The following CHCHD3 variants were observed in gnomAD, a reference collection of about 807,000 sequenced individuals.
CHCHD3 encodes the protein coiled-coil-helix-coiled-coil-helix domain containing 3.
In CHCHD3, 20 loss-of-function variants were observed where a neutral mutation model predicts 38.2. The observed-to-expected ratio is 0.52, with a 90% CI of 0.37 to 0.76. The LOEUF (loss-of-function observed/expected upper bound fraction) is 0.76, where lower values mean the gene tolerates loss of function less well. CHCHD3 is among the 30% of genes least tolerant of loss of function. The pLI, the probability that CHCHD3 is intolerant of heterozygous loss-of-function variation, is 0.00. For missense variants in CHCHD3, 245 were observed against 279.2 expected (o/e 0.88, Z 0.87); for synonymous variants, 82 against 100.0 (o/e 0.82, Z 1.07).
intron 5 of CHCHD3, among the ~76,000 whole-genome samples, chr7:132,850,882 C>A (rs17458491): frequency 0.52 from 79,439 of 151,952 alleles, 20,867 homozygotes; most frequent in South Asian, 0.58. Context: ...GTCTCTAAAG[C>A]CCTATATTTC....
intron 2 of CHCHD3, among the ~76,000 whole-genome samples, chr7:133,067,230 A>C (rs1230291721): frequency 3.9e-5 from 6 of 152,220 alleles, no homozygotes; most frequent in Admixed American, 3.9e-4. Context: ...AGTATATTGA[A>C]TCATCATGAT....
chr7:133,050,792 A>G (rs1298354804), intron 2 of CHCHD3, among the ~76,000 whole-genome samples: 1 of 152,074 alleles, frequency 6.6e-6, no homozygotes, highest in Non-Finnish European at 1.5e-5. Context: ...AGGGAGATAG[A>G]CCACTTGAGG....
chr7:132,959,722 C>CAAAAAAAAAAAA (rs376282108), intron 4 of CHCHD3, among the ~76,000 whole-genome samples: 6 of 43,766 alleles, frequency 1.4e-4, no homozygotes, highest in South Asian at 6.4e-4. Context: ...AACTCCGTCT[C>CAAAAAAAAAAAA]AAAAAAAAAA....
intron 2 of CHCHD3, among the ~76,000 whole-genome samples, chr7:133,043,496 G>T (rs1028340101): frequency 6.6e-6 from 1 of 152,040 alleles, no homozygotes; most frequent in Admixed American, 6.6e-5. Context: ...ATAAAAATTA[G>T]CTGGGCGTGG....
At chr7:132,898,568 C>T (rs957731275) in intron 4 of CHCHD3, among the ~76,000 whole-genome samples, 3 of 152,270 alleles carry the variant, frequency 2.0e-5, no homozygotes, top group Non-Finnish European at 2.9e-5. Context: ...ACCCAGGCTG[C>T]AGGTGGAGTT....
At chr7:132,922,290 C>T (rs183117769) in intron 4 of CHCHD3, among the ~76,000 whole-genome samples, 40 of 152,264 alleles carry the variant, frequency 2.6e-4, no homozygotes, top group African/African-American at 8.7e-4. Flanking sequence ...GACCAAACCT[C>T]TCCTGCCTCA....
intron 6 of CHCHD3, among the ~76,000 whole-genome samples, chr7:132,832,593 C>T (rs1807677817): frequency 6.6e-6 from 1 of 152,152 alleles, no homozygotes; most frequent in South Asian, 2.1e-4. Context: ...CTGTAAAATG[C>T]TTTTCATTTG....
intron 5 of CHCHD3, among the ~76,000 whole-genome samples, chr7:132,843,060 T>C (rs747760915): frequency 6.6e-6 from 1 of 152,182 alleles, no homozygotes; most frequent in Non-Finnish European, 1.5e-5. Flanking sequence ...TGTTTTAAGA[T>C]GGAATCTCAC....
chr7:132,839,730 C>T lies in CHCHD3; in HGVS notation c.454-1261G>A, dbSNP rs188470045. On this transcript the variant is annotated intron_variant, in intron 5 of 7. Transcript: ENST00000262570. The stretch of plus-strand genomic sequence containing the variant: ...CTTGGTTGTCCAATGACAGTCACAT[C>T]CAGGATTCTTGGATGTAGATAAAAT... Among the ~76,000 whole-genome samples the T allele has an allele frequency of 9.8e-4, 149 of 152,274 alleles. 1 individual carries two copies. Among genetic ancestry groups the T allele is most frequent in the African/African-American group, 3.5e-3 (147 of 41,568 alleles).
At chr7:132,812,063 T>C (rs1456768274) in intron 6 of CHCHD3, among the ~76,000 whole-genome samples, 1 of 152,052 alleles carries the variant, frequency 6.6e-6, no homozygotes, top group African/African-American at 2.4e-5. Context: ...CCCATCTCAG[T>C]AAATAGACCC....
chr7:133,001,834 CGATA>C (rs1467663815), intron 3 of CHCHD3, among the ~76,000 whole-genome samples: 4 of 152,150 alleles, frequency 2.6e-5, no homozygotes, highest in Admixed American at 6.5e-5. Flanking sequence ...CAGATGGATG[CGATA>C]GATAATCATT....
At chr7:133,027,435 AGGG>A (rs1813377008) in intron 2 of CHCHD3, among the ~76,000 whole-genome samples, 1 of 24,420 alleles carries the variant, frequency 4.1e-5, no homozygotes, top group Admixed American at 5.1e-4. Context: ...GAAGGAAGGG[AGGG>A]AGGGAGGGAG....
At chr7:133,023,421 T>C (rs953653625) in intron 3 of CHCHD3, among the ~76,000 whole-genome samples, 4 of 152,222 alleles carry the variant, frequency 2.6e-5, no homozygotes, top group African/African-American at 9.6e-5. Flanking sequence ...TTAAATTATA[T>C]GGTGAAGGTC....
chr7:133,055,870 C>A (rs1177743467), intron 2 of CHCHD3, among the ~76,000 whole-genome samples: 6 of 152,008 alleles, frequency 3.9e-5, no homozygotes, highest in African/African-American at 1.2e-4. Flanking sequence ...AGAGCCAGGG[C>A]AGTGGCTCAC....
intron 4 of CHCHD3, among the ~76,000 whole-genome samples, chr7:132,957,907 G>A (rs1222511223): frequency 1.3e-5 from 2 of 152,178 alleles, no homozygotes; most frequent in Non-Finnish European, 2.9e-5. Flanking sequence ...GATGAACTTA[G>A]TATTGCACAT....
intron 4 of CHCHD3, among the ~76,000 whole-genome samples, chr7:132,912,289 T>C (rs752033507): frequency 9.9e-5 from 15 of 152,212 alleles, no homozygotes; most frequent in Non-Finnish European, 2.2e-4. Flanking sequence ...GAAAATATAA[T>C]GGAAACAATT....
chr7:133,072,699 C>T (rs1163171375), intron 1 of CHCHD3, among the ~76,000 whole-genome samples: 4 of 151,740 alleles, frequency 2.6e-5, no homozygotes, highest in African/African-American at 2.4e-5. Flanking sequence ...ATTAGCTGGG[C>T]GTGGTGGCGG....
chr7:132,976,534 A>T (rs749263128), intron 3 of CHCHD3, among the ~76,000 whole-genome samples: 27 of 152,218 alleles, frequency 1.8e-4, no homozygotes, highest in Non-Finnish European at 3.7e-4. Context: ...TTTCAGTCTA[A>T]TCTCATGAAC....
intron 3 of CHCHD3, among the ~76,000 whole-genome samples, chr7:133,010,139 G>A (rs1028646947): frequency 6.6e-6 from 1 of 152,188 alleles, no homozygotes; most frequent in Admixed American, 6.5e-5. Flanking sequence ...TGAACCTGAT[G>A]CTGCCTGTTG....
Sources: allele counts gnomAD v4.1 joint callset (sites outside exome capture counted in the v4.1 genomes callset), GRCh38; gene constraint gnomAD v4.1.1; transcripts MANE v1.5; gene names NCBI Gene and HGNC (gene_info 2026-07-23, HGNC 2026-07-21).